ETNK1: variants seen among roughly 807,000 people sequenced by gnomAD.
The protein encoded by ETNK1 is ethanolamine kinase 1.
In ETNK1, 8 loss-of-function variants were observed where a neutral mutation model predicts 45.1. That is an observed-to-expected ratio of 0.18 (90% CI 0.10 to 0.32). The LOEUF (loss-of-function observed/expected upper bound fraction) is 0.32. Ranked by LOEUF, ETNK1 falls within the 10% of genes least tolerant of loss-of-function variation. The pLI, the probability that ETNK1 is intolerant of heterozygous loss-of-function variation, is 1.00. For missense variants in ETNK1, 302 were observed against 430.6 expected (o/e 0.70, Z 2.64); for synonymous variants, 152 against 151.9 (o/e 1.00, Z -0.01).
In ETNK1 at chr12:22,685,205, A is replaced by C. The variant is rs1954250274; in HGVS notation, c.*251A>C. ...GCAAAAGGTATAAAGATGTCAGTTT[A>C]ATTTCTTTGATAATTTAACCTATGT... On this transcript the variant is annotated 3_prime_UTR_variant, in exon 8 of 8. Coordinates refer to ENST00000266517, the MANE Select transcript of ETNK1 (RefSeq NM_018638.5). The C allele has an allele frequency of 3.1e-6, 1 of 320,340 alleles. No homozygotes were observed. Among genetic ancestry groups the C allele is most frequent in the Admixed American group, 4.6e-5 (1 of 21,896 alleles). 19.8% of individuals were successfully genotyped at this position (320,340 alleles called of 1,614,324 possible).
Position 22,686,229 on chromosome 12 carries a change from T to C in ETNK1, c.*1275T>C, listed in dbSNP as rs1954259523. The stretch of plus-strand genomic sequence containing the variant: ...CTGGTGGTAAGAGGGAGGTAATTAT[T>C]GTATGGAAAGAAGTTAGATCTTTCA... On this transcript the variant is annotated 3_prime_UTR_variant, in exon 8 of 8. Coordinates refer to ENST00000266517, the MANE Select transcript of ETNK1 (RefSeq NM_018638.5). The C allele has an allele frequency of 6.6e-6, 1 of 152,338 alleles. No individual in the cohort carries two copies. Among genetic ancestry groups the C allele is most frequent in the South Asian group, 2.1e-4 (1 of 4,834 alleles). 9.4% of individuals were successfully genotyped at this position (152,338 alleles called of 1,614,324 possible).
At chr12:22,637,926 A>G (rs1263194850) in intron 1 of ETNK1, among the ~76,000 whole-genome samples, 1 of 152,196 alleles carries the variant, frequency 6.6e-6, no homozygotes, top group African/African-American at 2.4e-5. Flanking sequence ...GAAGTCTCAG[A>G]TAATGTGTAG....
At chr12:22,635,134 C>T (rs531936762) in intron 1 of ETNK1, among the ~76,000 whole-genome samples, 1 of 152,378 alleles carries the variant, frequency 6.6e-6, no homozygotes, top group Non-Finnish European at 1.5e-5. Flanking sequence ...GAAACACTTT[C>T]TTACCAAGCG....
rs1409746764 is a variant in ETNK1, at chr12:22,688,487, A to G, written c.*3533A>G. 2.6e-5 allele frequency: 4 copies of G among 152,376 alleles called. No homozygotes were observed. The highest frequency in any genetic ancestry group is 4.8e-5 in the African/African-American group (2 of 41,450). The allele number at this position is 152,376 out of a possible 1,614,324, so 9.4% of individuals were successfully genotyped here. A position where few individuals can be genotyped will look rare whatever the true frequency, so the allele number is the denominator to read the frequency against. ...CAAATATTTCTTTTTTACATTACAC[A>G]GAAGCCTTCTGTACCATTTTACGAA... On this transcript the variant is annotated 3_prime_UTR_variant, in exon 8 of 8. Transcript: ENST00000266517.
chr12:22,652,450 C>A (rs1329790712), intron 2 of ETNK1, among the ~76,000 whole-genome samples: 1 of 152,206 alleles, frequency 6.6e-6, no homozygotes, highest in Non-Finnish European at 1.5e-5. Context: ...TCTGTAATAG[C>A]TGCACCATTT....
chr12:22,659,767 G>T (rs1408029316), intron 3 of ETNK1, among the ~76,000 whole-genome samples: 2 of 152,080 alleles, frequency 1.3e-5, no homozygotes, highest in Non-Finnish European at 2.9e-5. Context: ...GTTATTCAAA[G>T]AAGGTTATTT....
intron 1 of ETNK1, among the ~76,000 whole-genome samples, chr12:22,629,903 C>T (rs1165921172): frequency 6.6e-6 from 1 of 152,104 alleles, no homozygotes; most frequent in Admixed American, 6.5e-5. Flanking sequence ...CTGTCTTCAG[C>T]ATTTTAGAAT....
At chr12:22,674,980 T>G (rs1954146103) in intron 6 of ETNK1, among the ~76,000 whole-genome samples, 1 of 152,232 alleles carries the variant, frequency 6.6e-6, no homozygotes. Flanking sequence ...TGCTTATAAT[T>G]TAGAAGGCCA....
At position 22,628,596 on chromosome 12, in the gene ETNK1, G is replaced by C. The variant is rs576990713; in HGVS notation, c.156+3010G>C. Among the ~76,000 whole-genome samples, 18 of 152,118 alleles carry C rather than the reference G, an allele frequency of 1.2e-4. No homozygotes were observed. In the South Asian group the frequency reaches 3.7e-3, roughly 32 times the overall value. ...AATAAAGAATCAAGTCAGATCTCAG[G>C]TCCATAATAATTCTCAACGGACTCT... is the stretch of plus-strand genomic sequence containing the variant. On this transcript the variant is annotated intron_variant, in intron 1 of 7. Coordinates refer to ENST00000266517, the MANE Select transcript of ETNK1 (RefSeq NM_018638.5).
At position 22,625,212 on chromosome 12, in the gene ETNK1, C is replaced by T. The variant is rs753005990; in HGVS notation, c.-219C>T. Reference sequence around the variant, plus strand: ...CAGCTCCGACAACAGGAATTTTCTCCGAGAGCGGGCCGGGCTCAGTTCAGC... The same window carrying T: ...CAGCTCCGACAACAGGAATTTTCTCTGAGAGCGGGCCGGGCTCAGTTCAGC... On this transcript the variant is annotated 5_prime_UTR_variant, in exon 1 of 8. Transcript: ENST00000266517. The T allele has an allele frequency of 2.5e-6, 4 of 1,609,930 alleles. No homozygotes were observed. Among genetic ancestry groups the T allele is most frequent in the East Asian group, 4.5e-5 (2 of 44,792 alleles).
rs1954252927 is a variant in ETNK1 at position 22,685,477 on chromosome 12, CA to C, written c.*524del. The C allele has an allele frequency of 6.6e-6, 1 of 151,852 alleles. No homozygotes were observed. The highest frequency in any genetic ancestry group is 1.5e-5 in the Non-Finnish European group (1 of 67,836). The allele number at this position is 151,852 out of a possible 1,614,324, so 9.4% of individuals were successfully genotyped here. On this transcript the variant is annotated 3_prime_UTR_variant, in exon 8 of 8. Coordinates refer to ENST00000266517, the MANE Select transcript of ETNK1 (RefSeq NM_018638.5). ...ACTGATGTAGATAATTTAGGATTTTCATATAAAAATAGCTGTTTAGGAAGGT... is the reference window on the plus strand; with the variant it reads ...ACTGATGTAGATAATTTAGGATTTTCTATAAAAATAGCTGTTTAGGAAGGT...
chr12:22,642,551 A>G (rs1953752707), intron 1 of ETNK1, among the ~76,000 whole-genome samples: 1 of 152,032 alleles, frequency 6.6e-6, no homozygotes, highest in Non-Finnish European at 1.5e-5. Context: ...AATAAAAACC[A>G]TTATATAAAC....
intron 6 of ETNK1, among the ~76,000 whole-genome samples, chr12:22,676,410 G>C (rs1307863776): frequency 1.3e-5 from 2 of 151,998 alleles, no homozygotes; most frequent in Non-Finnish European, 2.9e-5. Context: ...ATCTATCATT[G>C]ATGGGCATTT....
chr12:22,682,620 A>G (rs1222719954), intron 6 of ETNK1, among the ~76,000 whole-genome samples: 1 of 152,184 alleles, frequency 6.6e-6, no homozygotes, highest in Non-Finnish European at 1.5e-5. Context: ...AATAAAATTA[A>G]TAGTTTTAAT....
At chr12:22,672,042 T>A (rs2137568744) in intron 5 of ETNK1, among the ~76,000 whole-genome samples, 1 of 152,078 alleles carries the variant, frequency 6.6e-6, no homozygotes, top group South Asian at 2.1e-4. Flanking sequence ...GAACTAAGAT[T>A]TGAAGCTAAT....
rs1016150908 is a variant in ETNK1, at chr12:22,634,703, G to A, written c.157-9060G>A. On this transcript the variant is annotated intron_variant, in intron 1 of 7. Coordinates refer to ENST00000266517, the MANE Select transcript of ETNK1 (RefSeq NM_018638.5). Reference sequence around the variant, plus strand: ...TCGACCATGTGCTCGCCCCATGCCCGGCTAATTTTTGTATTTATTTATTTA... The same window carrying A: ...TCGACCATGTGCTCGCCCCATGCCCAGCTAATTTTTGTATTTATTTATTTA... Among the ~76,000 whole-genome samples, 5 of 152,038 alleles carry A rather than the reference G, an allele frequency of 3.3e-5. No homozygotes were observed. In the South Asian group the frequency reaches 6.2e-4, roughly 19 times the overall value.
chr12:22,627,029 G>T (rs1953511008), intron 1 of ETNK1, among the ~76,000 whole-genome samples: 1 of 152,148 alleles, frequency 6.6e-6, no homozygotes, highest in Non-Finnish European at 1.5e-5. Context: ...AAACTCTAGT[G>T]TTGGCAGATC....
At position 22,636,919 on chromosome 12, in the gene ETNK1, A is replaced by G. The variant is rs75539486; in HGVS notation, c.157-6844A>G. Among the ~76,000 whole-genome samples the G allele has an allele frequency of 5.4e-3, 815 of 152,298 alleles. 6 individuals carry two copies. Among genetic ancestry groups the G allele is most frequent in the African/African-American group, 0.019 (773 of 41,562 alleles). ...TATGAACAAAAAAATTTAAATCAAA[A>G]TATAACAGGCTTGAGCATTTGTAGA... On this transcript the variant is annotated intron_variant, in intron 1 of 7. Coordinates refer to ENST00000266517, the MANE Select transcript of ETNK1 (RefSeq NM_018638.5).
intron 1 of ETNK1, among the ~76,000 whole-genome samples, chr12:22,635,964 T>G (rs1209616678): frequency 6.6e-6 from 1 of 152,064 alleles, no homozygotes; most frequent in Non-Finnish European, 1.5e-5. Context: ...GACTGTTTGA[T>G]TCCAGGAATT....
Sources: gnomAD v4.1 joint callset for allele counts (sites outside exome capture counted in the v4.1 genomes callset) on GRCh38, gnomAD v4.1.1 for gene constraint, MANE v1.5 for transcripts, NCBI Gene and HGNC (gene_info 2026-07-23, HGNC 2026-07-21) for gene names.